The following SAXO5 variants were observed in gnomAD, a reference collection of about 807,000 sequenced individuals.
SAXO5 encodes the protein stabilizer of axonemal microtubules 5.
chr19:7,507,409 C>T, the SAXO5 span, among the ~76,000 whole-genome samples: 2 of 152,034 alleles, frequency 1.3e-5, no homozygotes, highest in Non-Finnish European at 2.9e-5. Context: ...ATGGTGAAAC[C>T]CCGTCTCTAC....
the SAXO5 span, among the ~76,000 whole-genome samples, chr19:7,499,205 G>C: frequency 6.6e-6 from 1 of 151,978 alleles, no homozygotes; most frequent in East Asian, 1.9e-4. Flanking sequence ...CCAGCTACTT[G>C]GGAGGCTGAG....
At chr19:7,501,054 C>G in the SAXO5 span, 5 of 1,510,982 alleles carry the variant, frequency 3.3e-6, no homozygotes, top group African/African-American at 2.9e-5. Context: ...CCGGGAAGAG[C>G]GCGTGTCGGA....
At chr19:7,506,238 C>A in the SAXO5 span, 1 of 671,034 alleles carries the variant, frequency 1.5e-6, no homozygotes, top group Non-Finnish European at 2.1e-6. Context: ...GCCCCGCCCC[C>A]ATGGAGCCCC....
chr19:7,506,991 C>A, the SAXO5 span: 1 of 1,374,034 alleles, frequency 7.3e-7, no homozygotes, highest in South Asian at 1.2e-5. Context: ...CCTTGAACTT[C>A]ACCACACCCT....
chr19:7,506,427 C>G, the SAXO5 span: 1 of 530,498 alleles, frequency 1.9e-6, no homozygotes, highest in Non-Finnish European at 3.4e-6. Context: ...CCTGGATAAT[C>G]CCGCCCCTTC....
the SAXO5 span, chr19:7,507,037 C>G: frequency 3.7e-6 from 6 of 1,610,670 alleles, no homozygotes; most frequent in Non-Finnish European, 5.1e-6. Context: ...CACTCAGCCT[C>G]CCCAACCTGA....
the SAXO5 span, among the ~76,000 whole-genome samples, chr19:7,497,875 G>T: frequency 6.6e-6 from 1 of 152,124 alleles, no homozygotes; most frequent in Admixed American, 6.6e-5. Flanking sequence ...ACTCAGCCAG[G>T]CGCGGTGGCT....
chr19:7,506,973 A>G, the SAXO5 span: 4 of 1,163,770 alleles, frequency 3.4e-6, no homozygotes, highest in South Asian at 2.5e-5. Context: ...TTGGCTCTTG[A>G]ACCCTTCCCT....
the SAXO5 span, chr19:7,507,089 T>C: frequency 3.1e-6 from 5 of 1,614,098 alleles, no homozygotes; most frequent in Non-Finnish European, 4.2e-6. Flanking sequence ...CAGAAGATGC[T>C]GAAGCCACAC....
chr19:7,501,503 G>A, the SAXO5 span: 1 of 1,279,320 alleles, frequency 7.8e-7, no homozygotes, highest in South Asian at 1.7e-5. Context: ...ATTTGGCAAT[G>A]TCTGGAAACG....
chr19:7,505,973 C>G, the SAXO5 span: 1 of 1,585,030 alleles, frequency 6.3e-7, no homozygotes, highest in Non-Finnish European at 8.6e-7. Flanking sequence ...GCCGCCACCC[C>G]CGACCCAGCC....
At chr19:7,499,169 G>A in the SAXO5 span, among the ~76,000 whole-genome samples, 6 of 151,878 alleles carry the variant, frequency 4.0e-5, no homozygotes, top group East Asian at 1.9e-4. Context: ...AAACTTAGAC[G>A]GGCATGGTGG....
the SAXO5 span, chr19:7,505,568 G>T: frequency 1.2e-6 from 2 of 1,614,198 alleles, no homozygotes; most frequent in Non-Finnish European, 1.7e-6. Context: ...ATCCTGAAAG[G>T]AAATTGGTGC....
At chr19:7,507,520 C>T in the SAXO5 span, among the ~76,000 whole-genome samples, 1 of 151,756 alleles carries the variant, frequency 6.6e-6, no homozygotes, top group East Asian at 1.9e-4. Flanking sequence ...GCAGAGGTTT[C>T]AGTGAGCCAA....
chr19:7,503,437 T>C, the SAXO5 span, among the ~76,000 whole-genome samples: 1 of 152,030 alleles, frequency 6.6e-6, no homozygotes. Context: ...AACCTATGTG[T>C]GGCTCAATAT....
chr19:7,506,196 G>C, the SAXO5 span: 3 of 1,529,482 alleles, frequency 2.0e-6, no homozygotes, highest in Middle Eastern at 2.4e-4. Flanking sequence ...CCGCCCCATG[G>C]AGCCCCGCCC....
the SAXO5 span, chr19:7,506,209 G>GAGCCCCGCCCCGA: frequency 1.6e-6 from 2 of 1,272,610 alleles, no homozygotes; most frequent in Non-Finnish European, 2.0e-6. Context: ...CCCCGCCCCG[G>GAGCCCCGCCCCGA]GAAGCCCCAC....
the SAXO5 span, chr19:7,501,397 T>G: frequency 6.7e-7 from 1 of 1,485,798 alleles, no homozygotes; most frequent in Non-Finnish European, 8.8e-7. Flanking sequence ...AGTTGCCACC[T>G]CGGTGAGCGC....
chr19:7,508,072 C>CT, the SAXO5 span: 1 of 673,246 alleles, frequency 1.5e-6, no homozygotes, highest in Non-Finnish European at 2.5e-6. Context: ...CAGACACTGG[C>CT]TCCGCCCCGA....
Sources: allele counts gnomAD v4.1 joint callset (sites outside exome capture counted in the v4.1 genomes callset), GRCh38; gene constraint gnomAD v4.1.1; transcripts MANE v1.5; gene names NCBI Gene and HGNC (gene_info 2026-07-23, HGNC 2026-07-21).